The following STXBP5L variants were observed in gnomAD, a reference collection of about 807,000 sequenced individuals.
The protein encoded by STXBP5L is syntaxin-binding protein 5-like.
A neutral mutation model predicts 144.5 loss-of-function variants in STXBP5L; 65 were observed. The ratio of observed to expected loss-of-function variants is 0.45; its 90% CI spans 0.37 to 0.55. STXBP5L has a LOEUF of 0.55. STXBP5L is among the 20% of genes least tolerant of loss of function. The probability of loss-of-function intolerance (pLI) is 0.00; values close to 1 mark genes in which losing one functional copy is unlikely to be tolerated. For missense variants in STXBP5L, 1,298 were observed against 1,405.5 expected (o/e 0.92, Z 1.22); for synonymous variants, 505 against 469.6 (o/e 1.08, Z -0.97).
chr3:121,123,797 CT>C lies in STXBP5L; in HGVS notation c.669+2095del, dbSNP rs1021228748. 3.3e-5 allele frequency among the ~76,000 whole-genome samples: 5 copies of C among 151,760 alleles called. No individual in the cohort carries two copies. The East Asian group carries it at 5.8e-4, about 18-fold the overall frequency. On this transcript the variant is annotated intron_variant, in intron 7 of 26. Transcript: ENST00000471454. ...GCTCTAGCATTTATTAGCATATAATCTTGAATAAATCACTTTACTTCTTGTA... is the reference window on the plus strand; with the variant it reads ...GCTCTAGCATTTATTAGCATATAATCTGAATAAATCACTTTACTTCTTGTA...
chr3:120,988,459 A>G (rs1426110593), intron 3 of STXBP5L, among the ~76,000 whole-genome samples: 2 of 151,960 alleles, frequency 1.3e-5, no homozygotes, highest in Non-Finnish European at 2.9e-5. Context: ...TGTTAAGAAA[A>G]AACACTCTGC....
intron 5 of STXBP5L, among the ~76,000 whole-genome samples, chr3:121,100,543 T>C (rs956956929): frequency 6.6e-6 from 1 of 152,038 alleles, no homozygotes; most frequent in Non-Finnish European, 1.5e-5. Context: ...TTATTTGACA[T>C]AAATGAAAAC....
chr3:121,113,306 C>T (rs982729494), intron 5 of STXBP5L, among the ~76,000 whole-genome samples: 3 of 152,148 alleles, frequency 2.0e-5, no homozygotes, highest in African/African-American at 7.2e-5. Context: ...GATCTTAGTC[C>T]TCTTTAAAGT....
chr3:121,338,414 C>T (rs897436345), intron 20 of STXBP5L, among the ~76,000 whole-genome samples: 2 of 151,526 alleles, frequency 1.3e-5, no homozygotes, highest in Non-Finnish European at 1.5e-5. Context: ...GAGTCTGAGG[C>T]GGGTGGATCA....
At chr3:121,076,610 G>C (rs894705393) in intron 5 of STXBP5L, among the ~76,000 whole-genome samples, 5 of 152,000 alleles carry the variant, frequency 3.3e-5, no homozygotes, top group Non-Finnish European at 7.4e-5. Context: ...TCCAAGCCTG[G>C]TGACCACCCA....
intron 10 of STXBP5L, among the ~76,000 whole-genome samples, chr3:121,213,024 T>G (rs1333760721): frequency 6.6e-6 from 1 of 152,206 alleles, no homozygotes; most frequent in Non-Finnish European, 1.5e-5. Context: ...CTGTTATTGG[T>G]GTATAGGAAT....
At chr3:121,202,742 C>T (rs2048184836) in intron 9 of STXBP5L, among the ~76,000 whole-genome samples, 1 of 151,988 alleles carries the variant, frequency 6.6e-6, no homozygotes, top group Non-Finnish European at 1.5e-5. Context: ...CATTGCCTTT[C>T]AGCCTCCATT....
intron 3 of STXBP5L, among the ~76,000 whole-genome samples, chr3:121,033,722 A>C (rs190256856): frequency 2.1e-4 from 32 of 152,074 alleles, no homozygotes; most frequent in Admixed American, 9.8e-4. Flanking sequence ...ATATTCTTAT[A>C]AGTAAGAACT....
intron 2 of STXBP5L, among the ~76,000 whole-genome samples, chr3:120,941,639 T>C (rs764893091): frequency 6.6e-6 from 1 of 151,824 alleles, no homozygotes; most frequent in Non-Finnish European, 1.5e-5. Flanking sequence ...TACAATTATT[T>C]ACCTTTCTTA....
chr3:121,145,644 A>G (rs1226624437), intron 7 of STXBP5L, among the ~76,000 whole-genome samples: 1 of 152,036 alleles, frequency 6.6e-6, no homozygotes, highest in African/African-American at 2.4e-5. Context: ...GTGTTAAACT[A>G]AGGAAATATT....
At position 121,146,424 on chromosome 3, in the gene STXBP5L, A is replaced by G. The variant is rs565841436; in HGVS notation, c.670-6053A>G. On this transcript the variant is annotated intron_variant, in intron 7 of 26. Transcript: ENST00000471454. ...TAGGATAAGAAAAAACTACTAACCA[A>G]CTCCCTTCCCAAAAAGAGGGAGGAC... 2.0e-4 allele frequency among the ~76,000 whole-genome samples: 30 copies of G among 151,994 alleles called. No individual in the cohort carries two copies. In the South Asian group the frequency reaches 5.4e-3, roughly 27 times the overall value.
intron 20 of STXBP5L, among the ~76,000 whole-genome samples, chr3:121,330,409 G>T (rs941855101): frequency 8.5e-5 from 13 of 152,132 alleles, no homozygotes; most frequent in Non-Finnish European, 8.8e-5. Flanking sequence ...GCTGCTTCTT[G>T]CACCCACATG....
intron 22 of STXBP5L, among the ~76,000 whole-genome samples, chr3:121,395,943 GGCATCTGGCTTATGAAAAA>G (rs2046719281): frequency 6.6e-6 from 1 of 152,140 alleles, no homozygotes; most frequent in Non-Finnish European, 1.5e-5. Flanking sequence ...TCTCTTCCTC[GGCATCTGGCTTATGAAAAA>G]GTTTCAGGTG....
At chr3:120,952,405 C>A (rs1711318228) in intron 2 of STXBP5L, among the ~76,000 whole-genome samples, 1 of 151,756 alleles carries the variant, frequency 6.6e-6, no homozygotes. Flanking sequence ...TCATTTTATT[C>A]CTATATATTT....
chr3:121,407,122 A>T, intron 22 of STXBP5L, 121 bp from the exon 23 acceptor site: 1 of 1,216,330 alleles, frequency 8.2e-7, no homozygotes, highest in Non-Finnish European at 1.1e-6. Context: ...CTACAAATTC[A>T]TATACATTAG....
At chr3:121,418,079 A>G (rs920846513) in intron 25 of STXBP5L, among the ~76,000 whole-genome samples, 2 of 152,226 alleles carry the variant, frequency 1.3e-5, no homozygotes, top group Non-Finnish European at 2.9e-5. Context: ...CAGCATCAAG[A>G]AATGCAATTA....
chr3:121,253,330 C>A (rs1280434498), intron 15 of STXBP5L, among the ~76,000 whole-genome samples: 1 of 151,498 alleles, frequency 6.6e-6, no homozygotes, highest in Non-Finnish European at 1.5e-5. Context: ...CTCTCCCTGG[C>A]TCTCTCTTTT....
At chr3:120,916,559 C>T (rs1288971634) in intron 2 of STXBP5L, among the ~76,000 whole-genome samples, 2 of 152,136 alleles carry the variant, frequency 1.3e-5, no homozygotes, top group Non-Finnish European at 2.9e-5. Context: ...CCCCAGCCTC[C>T]CAAAGTGCTG....
intron 20 of STXBP5L, among the ~76,000 whole-genome samples, chr3:121,323,306 G>T (rs2044037570): frequency 6.6e-6 from 1 of 152,114 alleles, no homozygotes; most frequent in Non-Finnish European, 1.5e-5. Context: ...TTTCTTCTAG[G>T]ATTCTTATAG....
Sources: allele counts gnomAD v4.1 joint callset (sites outside exome capture counted in the v4.1 genomes callset), GRCh38; gene constraint gnomAD v4.1.1; transcripts MANE v1.5; gene names NCBI Gene and HGNC (gene_info 2026-07-23, HGNC 2026-07-21).